Variants in CDH8 observed in about 807,000 individuals in gnomAD.
CDH8 encodes cadherin 8.
Under a neutral mutation model 68.1 loss-of-function variants are expected in CDH8, and 17 were observed. The observed-to-expected ratio is 0.25, with a 90% CI of 0.17 to 0.37. The LOEUF is 0.37. CDH8 is among the 10% of genes least tolerant of loss of function. The probability of loss-of-function intolerance (pLI) is 1.00; values close to 1 mark genes in which losing one functional copy is unlikely to be tolerated. For synonymous variants in CDH8, 372 were observed against 365.1 expected (o/e 1.02, Z -0.21); for missense variants, 763 against 999.3 (o/e 0.76, Z 3.19).
intron 3 of CDH8, among the ~76,000 whole-genome samples, chr16:61,868,712 T>C (rs1353752788): frequency 6.6e-6 from 1 of 152,134 alleles, no homozygotes; most frequent in Non-Finnish European, 1.5e-5. Flanking sequence ...ACTGTCAGAT[T>C]TTGAAGCACT....
At chr16:62,000,245 A>C (rs1965873433) in intron 2 of CDH8, among the ~76,000 whole-genome samples, 1 of 152,182 alleles carries the variant, frequency 6.6e-6, no homozygotes, top group African/African-American at 2.4e-5. Context: ...TATTGTAAAT[A>C]ATGCTGCAAT....
intron 2 of CDH8, among the ~76,000 whole-genome samples, chr16:61,934,630 A>C (rs1206960206): frequency 6.6e-6 from 1 of 152,162 alleles, no homozygotes; most frequent in Non-Finnish European, 1.5e-5. Flanking sequence ...AATTAATGGA[A>C]GCTTAACTTA....
rs1290018558 is a variant in CDH8, at chr16:61,787,255, ACAACCCCAT to A, written c.1414+2082_1414+2090del. 3.4e-5 allele frequency among the ~76,000 whole-genome samples: 5 copies of A among 149,208 alleles called. No individual in the cohort carries two copies. The East Asian group carries it at 1.0e-3, about 30-fold the overall frequency. ...AAACAAATTTACAAGAAAAAAACAA[ACAACCCCAT>A]CAAAAAGTGGGCAAAGGACATGAAC... is the stretch of plus-strand genomic sequence containing the variant. On this transcript the variant is annotated intron_variant, in intron 8 of 11. Coordinates refer to ENST00000577390, the MANE Select transcript of CDH8 (RefSeq NM_001796.5).
intron 4 of CDH8, among the ~76,000 whole-genome samples, chr16:61,841,490 A>T (rs750136329): frequency 6.6e-6 from 1 of 152,202 alleles, no homozygotes; most frequent in Non-Finnish European, 1.5e-5. Flanking sequence ...AATTGAACTC[A>T]TGAACATAAT....
chr16:61,676,184 T>C (rs1555501842), intron 10 of CDH8, among the ~76,000 whole-genome samples: 4 of 146,072 alleles, frequency 2.7e-5, no homozygotes, highest in Non-Finnish European at 3.0e-5. Context: ...TGGAAAGTTA[T>C]AAAGACAAAG....
chr16:61,651,216 A>G lies in CDH8; in HGVS notation c.*2392T>C, dbSNP rs754761531. On this transcript the variant is annotated 3_prime_UTR_variant, in exon 12 of 12. Transcript: ENST00000577390. ...TTGGAAGGTGTAAGATAGTTGGAAT[A>G]TTACTATTGGTTATTACTGCAACTA... is the stretch of plus-strand genomic sequence containing the variant. The G allele has an allele frequency of 6.6e-6, 1 of 152,078 alleles. No homozygotes were observed. The highest frequency in any genetic ancestry group is 1.5e-5 in the Non-Finnish European group (1 of 68,012). 9.4% of individuals were successfully genotyped at this position (152,078 alleles called of 1,614,324 possible).
intron 4 of CDH8, among the ~76,000 whole-genome samples, chr16:61,847,878 CCTA>C (rs1250010950): frequency 7.3e-6 from 1 of 137,782 alleles, no homozygotes; most frequent in African/African-American, 3.0e-5. Context: ...TACCAACTAT[CCTA>C]CACACACACA....
chr16:61,710,546 T>C (rs1964611889), intron 10 of CDH8, among the ~76,000 whole-genome samples: 1 of 152,118 alleles, frequency 6.6e-6, no homozygotes, highest in South Asian at 2.1e-4. Flanking sequence ...TCAGGTACTA[T>C]GGTTCTCCTG....
At chr16:61,665,201 G>A (rs1213181409) in intron 10 of CDH8, among the ~76,000 whole-genome samples, 3 of 151,848 alleles carry the variant, frequency 2.0e-5, no homozygotes, top group African/African-American at 7.3e-5. Context: ...ACAAAGAAGA[G>A]CTCATGTGGG....
At chr16:61,978,142 TG>T (rs1965471731) in intron 2 of CDH8, among the ~76,000 whole-genome samples, 1 of 152,208 alleles carries the variant, frequency 6.6e-6, no homozygotes, top group Admixed American at 6.5e-5. Context: ...TCTTCTGCTC[TG>T]CTATTAAAAT....
In CDH8 at chr16:61,653,617, T is replaced by C. The variant is rs779806024; in HGVS notation, c.2391A>G (p.Lys797=). The change falls in exon 12 of 12, where the codon AAA becomes AAG. Residue 797 remains lysine, a synonymous_variant. Coordinates refer to ENST00000577390, the MANE Select transcript of CDH8 (RefSeq NM_001796.5). ...GELYSVGESD[K]ET ...TATTTATAATCCACTGTCAAGTTTCTTTGTCACTTTCACCAACAGAGTAGA... is the reference window on the plus strand; with the variant it reads ...TATTTATAATCCACTGTCAAGTTTCCTTGTCACTTTCACCAACAGAGTAGA... The C allele has an allele frequency of 6.2e-7, 1 of 1,607,714 alleles. No individual in the cohort carries two copies. The highest frequency in any genetic ancestry group is 8.5e-7 in the Non-Finnish European group (1 of 1,177,600).
chr16:61,937,928 A>G (rs187392705), intron 2 of CDH8: 149 of 152,260 alleles, frequency 9.8e-4, no homozygotes, highest in African/African-American at 3.4e-3. Context: ...GAGAAGTGCC[A>G]GGAGGATTAA....
intron 7 of CDH8, among the ~76,000 whole-genome samples, chr16:61,799,355 G>T (rs1961567636): frequency 1.3e-5 from 2 of 152,178 alleles, no homozygotes; most frequent in African/African-American, 2.4e-5. Flanking sequence ...CATAGGACCA[G>T]ATCCAGTACT....
At chr16:61,979,063 A>G (rs1352598608) in intron 2 of CDH8, among the ~76,000 whole-genome samples, 1 of 152,104 alleles carries the variant, frequency 6.6e-6, no homozygotes, top group Non-Finnish European at 1.5e-5. Context: ...AAGAAAAAAA[A>G]AAAAAGCAGA....
chr16:61,776,077 A>G (rs1210725795), intron 8 of CDH8, among the ~76,000 whole-genome samples: 1 of 152,160 alleles, frequency 6.6e-6, no homozygotes, highest in African/African-American at 2.4e-5. Context: ...AGAGTTGGCA[A>G]GCACCAGGTT....
intron 4 of CDH8, among the ~76,000 whole-genome samples, chr16:61,849,912 A>T (rs889478697): frequency 6.6e-5 from 10 of 152,162 alleles, no homozygotes; most frequent in African/African-American, 2.4e-4. Flanking sequence ...TATTAGTGAT[A>T]TCCTTAATTT....
At chr16:61,721,861 G>C (rs1464433008) in intron 9 of CDH8, among the ~76,000 whole-genome samples, 3 of 150,672 alleles carry the variant, frequency 2.0e-5, no homozygotes, top group Non-Finnish European at 4.5e-5. Flanking sequence ...AAGACTCATA[G>C]TCTTTTTCGG....
At chr16:62,011,898 T>C (rs913550635) in intron 2 of CDH8, among the ~76,000 whole-genome samples, 4 of 152,232 alleles carry the variant, frequency 2.6e-5, no homozygotes, top group African/African-American at 9.6e-5. Flanking sequence ...AACACGCTCA[T>C]ATCTTAACTG....
At chr16:61,831,969 T>C (rs16963988) in intron 4 of CDH8, among the ~76,000 whole-genome samples, 3,177 of 151,870 alleles carry the variant, frequency 0.021, 119 homozygotes, top group African/African-American at 0.073. Flanking sequence ...CTTTTACTTA[T>C]GAGGTTAAGT....
Sources: allele counts gnomAD v4.1 joint callset (sites outside exome capture counted in the v4.1 genomes callset), GRCh38; gene constraint gnomAD v4.1.1; transcripts MANE v1.5; gene names NCBI Gene and HGNC (gene_info 2026-07-23, HGNC 2026-07-21).